The following ATP5MC3 variants were observed in gnomAD, a reference collection of about 807,000 sequenced individuals.
ATP5MC3 encodes ATP synthase membrane subunit c locus 3, also known as ATP synthase F(0) complex subunit C3, mitochondrial.
Under a neutral mutation model 15.6 loss-of-function variants are expected in ATP5MC3, and 6 were observed. The ratio of observed to expected loss-of-function variants is 0.38; its 90% CI spans 0.21 to 0.76. The LOEUF (loss-of-function observed/expected upper bound fraction) is 0.76, where lower values mean the gene tolerates loss of function less well. Among genes scored for constraint, ATP5MC3 ranks in the 30% least tolerant of loss-of-function variants. The pLI, the probability that ATP5MC3 is intolerant of heterozygous loss-of-function variation, is 0.44. For synonymous variants in ATP5MC3, 66 were observed against 63.3 expected (o/e 1.04, Z -0.20); for missense variants, 132 against 171.2 (o/e 0.77, Z 1.28).
intron 3 of ATP5MC3, 29 bp from the exon 4 acceptor site, chr2:175,179,279 C>A: frequency 6.4e-7 from 1 of 1,572,324 alleles, no homozygotes; most frequent in South Asian, 1.2e-5. Flanking sequence ...AGGTAAAGGT[C>A]GTATCAGTAA....
intron 2 of ATP5MC3, among the ~76,000 whole-genome samples, 173 bp downstream of exon 2, chr2:175,181,182 G>A (rs963928226): frequency 6.6e-6 from 1 of 152,248 alleles, no homozygotes; most frequent in Non-Finnish European, 1.5e-5. Context: ...GCAAGGAGAG[G>A]GCTGAGATGC....
At position 175,180,085 on chromosome 2, in the gene ATP5MC3, T is replaced by C. The variant is rs1177369854; in HGVS notation, c.120+13A>G. ...TGGTAGTGTTACCTAATTTCAATTA[T>C]TGCTACTATTACCTCTCCAGTCCTA... On this transcript the variant is annotated intron_variant, in intron 3 of 4. Coordinates refer to ENST00000284727, the MANE Select transcript of ATP5MC3 (RefSeq NM_001689.5). The C allele has an allele frequency of 6.3e-7, 1 of 1,578,244 alleles. No individual in the cohort carries two copies. Among genetic ancestry groups the C allele is most frequent in the Admixed American group, 2.0e-5 (1 of 51,192 alleles).
chr2:175,179,908 G>C (rs1399892042), intron 3 of ATP5MC3, 190 bp downstream of exon 3: 4 of 526,774 alleles, frequency 7.6e-6, no homozygotes, highest in Non-Finnish European at 1.3e-5. Flanking sequence ...TTTGGATAGA[G>C]AAATTTCTCT....
In ATP5MC3 at chr2:175,179,010, A is replaced by C. The variant is rs1345423743; in HGVS notation, c.314+47T>G. 5 of 1,585,910 alleles carry C rather than the reference A, an allele frequency of 3.2e-6. No homozygotes were observed. The South Asian group carries it at 5.6e-5, about 18-fold the overall frequency. On this transcript the variant is annotated intron_variant, in intron 4 of 4. Transcript: ENST00000284727. ...TATTATTTCAGTAGCTAAGTTTCCA[A>C]CTACTGCAAGCATGCTCTTAACTTA...
At position 175,178,042 on chromosome 2, in the gene ATP5MC3, A is replaced by C. The variant is rs1700713585; in HGVS notation, c.*246T>G. 2.2e-6 allele frequency: 1 copy of C among 447,908 alleles called. No individual in the cohort carries two copies. Among genetic ancestry groups the C allele is most frequent in the Admixed American group, 4.8e-5 (1 of 20,770 alleles). The allele number at this position is 447,908 out of a possible 1,614,324, so 27.7% of individuals were successfully genotyped here. A position where few individuals can be genotyped will look rare whatever the true frequency, so the allele number is the denominator to read the frequency against. On this transcript the variant is annotated 3_prime_UTR_variant, in exon 5 of 5. Coordinates refer to ENST00000284727, the MANE Select transcript of ATP5MC3 (RefSeq NM_001689.5). ...ACATTGGAATATTTTTCATCAGTGGAGCAACTGCTGTAGCTTCCTCTGAAT... is the reference window on the plus strand; with the variant it reads ...ACATTGGAATATTTTTCATCAGTGGCGCAACTGCTGTAGCTTCCTCTGAAT...
At position 175,181,343 on chromosome 2, in the gene ATP5MC3, T is replaced by A. The variant is rs1010757349; in HGVS notation, c.39+12A>T. On this transcript the variant is annotated intron_variant, in intron 2 of 4. Coordinates refer to ENST00000284727, the MANE Select transcript of ATP5MC3 (RefSeq NM_001689.5). ...ACCCCTCAATCCCCCCGACCCTGCCTGGGCTACGCACCAGAGAGGGGGTGC... is the reference window on the plus strand; with the variant it reads ...ACCCCTCAATCCCCCCGACCCTGCCAGGGCTACGCACCAGAGAGGGGGTGC... The A allele has an allele frequency of 9.3e-6, 15 of 1,613,008 alleles. No homozygotes were observed. Among genetic ancestry groups the A allele is most frequent in the Middle Eastern group, 1.6e-4 (1 of 6,082 alleles).
In ATP5MC3 at chr2:175,181,365, G is replaced by A; in HGVS notation, c.29C>T (p.Thr10Ile). 1 of 1,613,932 alleles carries A rather than the reference G, an allele frequency of 6.2e-7. No homozygotes were observed. The highest frequency in any genetic ancestry group is 8.5e-7 in the Non-Finnish European group (1 of 1,179,944). The change falls in exon 2 of 5, where the codon ACC (threonine) becomes ATC (isoleucine). Residue 10 changes from threonine to isoleucine, a missense_variant. Physicochemically the swap from Thr to Ile is moderately conservative, Grantham distance 89. This residue lies in a region of ATP5MC3 where 90 missense variants were observed against 86.2 expected (regional missense o/e 1.04). Coordinates refer to ENST00000284727, the MANE Select transcript of ATP5MC3 (RefSeq NM_001689.5). ...GCCTGGGCTACGCACCAGAGAGGGGGTGCAGGCGAGCTTGGCGCAGGCGAA... is the reference window on the plus strand; with the variant it reads ...GCCTGGGCTACGCACCAGAGAGGGGATGCAGGCGAGCTTGGCGCAGGCGAA... MFACAKLAC[T>I]PSLIRAGSRV... is the part of the protein sequence containing the mutation.
chr2:175,181,244 T>C, intron 2 of ATP5MC3, 111 bp downstream of exon 2: 1 of 1,328,780 alleles, frequency 7.5e-7, no homozygotes, highest in Non-Finnish European at 1.0e-6. Context: ...GAGAAAGCCG[T>C]TCCCGAGAGG....
At position 175,176,965 on chromosome 2, in the gene ATP5MC3, T is replaced by C. The variant is rs572138554; in HGVS notation, c.*1323A>G. 1.3e-5 allele frequency: 2 copies of C among 152,340 alleles called. No individual in the cohort carries two copies. Among genetic ancestry groups the C allele is most frequent in the African/African-American group, 4.8e-5 (2 of 41,570 alleles). 9.4% of individuals were successfully genotyped at this position (152,340 alleles called of 1,614,324 possible). ...ATACAGGTTTTTGTTTGAATACCTA[T>C]TTCCAATTCTTTTGGGTGATATAGA... On this transcript the variant is annotated 3_prime_UTR_variant, in exon 5 of 5. Coordinates refer to ENST00000284727, the MANE Select transcript of ATP5MC3 (RefSeq NM_001689.5).
At chr2:175,179,336 C>G (rs2105415168) in intron 3 of ATP5MC3, 86 bp from the exon 4 acceptor site, 10 of 1,445,670 alleles carry the variant, frequency 6.9e-6, no homozygotes, top group Non-Finnish European at 9.2e-6. Context: ...AAAATGATAA[C>G]TACTTTTTTA....
chr2:175,181,506 G>A (rs1700772934), intron 1 of ATP5MC3, 40 bp from the exon 2 acceptor site: 7 of 1,345,940 alleles, frequency 5.2e-6, no homozygotes, highest in African/African-American at 2.9e-5. Context: ...TGCCCTCCAG[G>A]GGCCTGTTCT....
rs2105418267 is a variant in ATP5MC3, at chr2:175,181,633, G to T, written c.-74+23C>A. ...GCGCCGCTCCGCCCTGGCCAGGCCGGGCTCCCTGTGCCCTCCACTTACCTT... is the reference window on the plus strand; with the variant it reads ...GCGCCGCTCCGCCCTGGCCAGGCCGTGCTCCCTGTGCCCTCCACTTACCTT... On this transcript the variant is annotated intron_variant, in intron 1 of 4. Transcript: ENST00000284727. 6 of 535,116 alleles carry T rather than the reference G, an allele frequency of 1.1e-5. No individual in the cohort carries two copies. The South Asian group carries it at 1.5e-4, about 14-fold the overall frequency. 33.1% of individuals were successfully genotyped at this position (535,116 alleles called of 1,614,324 possible).
chr2:175,178,423 CTG>C, intron 4 of ATP5MC3, 21 bp from the exon 5 acceptor site: 3 of 1,573,254 alleles, frequency 1.9e-6, no homozygotes, highest in Non-Finnish European at 2.6e-6. Flanking sequence ...CCACATATGA[CTG>C]TTACTTTGAA....
intron 1 of ATP5MC3, 26 bp from the exon 2 acceptor site, chr2:175,181,492 C>G: frequency 6.8e-7 from 1 of 1,466,292 alleles, no homozygotes; most frequent in Non-Finnish European, 9.4e-7. Context: ...GGCTTAAGGT[C>G]AAGTGCCCTC....
Position 175,177,590 on chromosome 2 carries a change from A to G in ATP5MC3, c.*698T>C, listed in dbSNP as rs557734932. The G allele has an allele frequency of 6.6e-6, 1 of 152,274 alleles. No individual in the cohort carries two copies. Among genetic ancestry groups the G allele is most frequent in the African/African-American group, 2.4e-5 (1 of 41,578 alleles). 9.4% of individuals were successfully genotyped at this position (152,274 alleles called of 1,614,324 possible). ...ATTTTTGGCTGTAAAAATCTAGCCAATTCAGTTTTTTGATATTTGGTTTTT... is the reference window on the plus strand; with the variant it reads ...ATTTTTGGCTGTAAAAATCTAGCCAGTTCAGTTTTTTGATATTTGGTTTTT... On this transcript the variant is annotated 3_prime_UTR_variant, in exon 5 of 5. Transcript: ENST00000284727.
chr2:175,178,362 G>C lies in ATP5MC3; in HGVS notation c.355C>G (p.Leu119Val), dbSNP rs1300782242. ...LKQQLFSYAI[L>V]GFALSEAMGL... ...ATAGCTTCAGACAAGGCAAATCCCAGGATAGCATATGAGAACAGCTGCTGC... is the reference window on the plus strand; with the variant it reads ...ATAGCTTCAGACAAGGCAAATCCCACGATAGCATATGAGAACAGCTGCTGC... The change falls in exon 5 of 5, where the codon CTG becomes GTG. Residue 119 changes from leucine (L) to valine (V), a missense_variant. Physicochemically the swap from Leu to Val is conservative, Grantham distance 32. Around this residue, in one of 2 missense-constraint regions of ATP5MC3, gnomAD observed 42 missense variants for 85.0 expected, o/e 0.49. Coordinates refer to ENST00000284727, the MANE Select transcript of ATP5MC3 (RefSeq NM_001689.5). 2 of 1,612,696 alleles carry C rather than the reference G, an allele frequency of 1.2e-6. No homozygotes were observed. The highest frequency in any genetic ancestry group is 1.3e-5 in the African/African-American group (1 of 74,906).
intron 3 of ATP5MC3, chr2:175,179,604 C>T (rs1700739575): frequency 9.8e-6 from 2 of 203,524 alleles, no homozygotes; most frequent in Admixed American, 5.7e-5. Context: ...AACTCCTGGG[C>T]TCAAGCCAGC....
chr2:175,178,095 CTTCT>C lies in ATP5MC3; in HGVS notation c.*189_*192del. On this transcript the variant is annotated 3_prime_UTR_variant, in exon 5 of 5. Coordinates refer to ENST00000284727, the MANE Select transcript of ATP5MC3 (RefSeq NM_001689.5). ...GACAGCATCTGCCTGAATGCACGTT[CTTCT>C]TTGTGATAATCTAAACTTAGTGTAA... The C allele has an allele frequency of 8.7e-7, 1 of 1,152,640 alleles. No individual in the cohort carries two copies. The highest frequency in any genetic ancestry group is 1.1e-6 in the Non-Finnish European group (1 of 876,214). The allele number at this position is 1,152,640 out of a possible 1,614,324, so 71.4% of individuals were successfully genotyped here. A position where few individuals can be genotyped will look rare whatever the true frequency, so the allele number is the denominator to read the frequency against.
intron 3 of ATP5MC3, 118 bp from the exon 4 acceptor site, chr2:175,179,368 G>A (rs2105415187): frequency 7.9e-7 from 1 of 1,263,242 alleles, no homozygotes; most frequent in South Asian, 2.0e-5. Flanking sequence ...AGTGTAAAGA[G>A]ACAAATCAAG....
Sources: gnomAD v4.1 joint callset for allele counts (sites outside exome capture counted in the v4.1 genomes callset) on GRCh38, gnomAD v4.1.1 for gene constraint, gnomAD v4.1.1 regional missense constraint, MANE v1.5 for transcripts, NCBI Gene and HGNC (gene_info 2026-07-23, HGNC 2026-07-21) for gene names.